Variants in IREB2 observed in about 807,000 individuals in gnomAD.
IREB2 encodes iron responsive element binding protein 2, also known as iron-responsive element-binding protein 2.
In IREB2, 39 loss-of-function variants were observed where a neutral mutation model predicts 118.8. The ratio of observed to expected loss-of-function variants is 0.33; its 90% CI spans 0.25 to 0.43. IREB2 has a LOEUF of 0.43. Among genes scored for constraint, IREB2 ranks in the 20% least tolerant of loss-of-function variants. The probability of loss-of-function intolerance (pLI) is 1.00; values close to 1 mark genes in which losing one functional copy is unlikely to be tolerated. For synonymous variants in IREB2, 372 were observed against 392.2 expected, an observed-to-expected ratio of 0.95 and a Z score of 0.61; for missense variants, 900 against 1,147.3, an observed-to-expected ratio of 0.78 and a Z score of 3.11.
intron 2 of IREB2, among the ~76,000 whole-genome samples, chr15:78,460,661 C>T (rs2051181584): frequency 6.6e-6 from 1 of 152,132 alleles, no homozygotes. Flanking sequence ...TTAGAAACAA[C>T]AAACAGTTGT....
intron 2 of IREB2, among the ~76,000 whole-genome samples, chr15:78,456,638 C>T (rs1256796226): frequency 2.0e-5 from 3 of 150,042 alleles, no homozygotes; most frequent in Middle Eastern, 3.2e-3. Flanking sequence ...TGCACTCTAG[C>T]TTGGGTGACA....
intron 2 of IREB2, among the ~76,000 whole-genome samples, chr15:78,445,102 ATACTT>A (rs1405521827): frequency 6.6e-6 from 1 of 150,742 alleles, no homozygotes; most frequent in Non-Finnish European, 1.5e-5. Flanking sequence ...TTTTATTTTT[ATACTT>A]TCACTATTTA....
At chr15:78,459,853 C>G (rs1036655950) in intron 2 of IREB2, among the ~76,000 whole-genome samples, 1 of 152,014 alleles carries the variant, frequency 6.6e-6, no homozygotes, top group Non-Finnish European at 1.5e-5. Context: ...AACCTAGGTT[C>G]TTTATCCTGT....
intron 18 of IREB2, among the ~76,000 whole-genome samples, chr15:78,491,739 G>A (rs1348646757): frequency 1.3e-5 from 2 of 151,998 alleles, no homozygotes; most frequent in East Asian, 1.9e-4. Context: ...CAAGTGATCC[G>A]CCCACCTCGG....
Position 78,494,193 on chromosome 15 carries a change from A to G in IREB2, c.2524A>G (p.Ile842Val). The change falls in exon 20 of 22, where the codon ATT becomes GTT. Residue 842 changes from isoleucine (I) to valine (V), a missense_variant. Physicochemically the swap from Ile to Val is conservative, Grantham distance 29. Coordinates refer to ENST00000258886, the MANE Select transcript of IREB2 (RefSeq NM_004136.4). ...ELYQKEGIPL[I>V]ILAGKKYGSG... ...GTACCAGAAAGAAGGTATCCCACTG[A>G]TTATTTTAGCAGGAAAGAAATATGG... is the stretch of plus-strand genomic sequence containing the variant. 1 of 1,614,064 alleles carries G rather than the reference A, an allele frequency of 6.2e-7. No homozygotes were observed.
At position 78,488,660 on chromosome 15, in the gene IREB2, C is replaced by T. The variant is rs183041930; in HGVS notation, c.1965C>T (p.Thr655=). 2.0e-5 allele frequency: 32 copies of T among 1,607,612 alleles called. No individual in the cohort carries two copies. The highest frequency in any genetic ancestry group is 6.7e-5 in the African/African-American group (5 of 74,546). ...FQTEPLGTDP[T]GKNIYLHDIW... is the part of the protein sequence containing the mutation. ...AATTTTAACCAGGTACTGACCCCACCGGCAAGAACATTTACCTGCATGATA... is the reference window on the plus strand; with the variant it reads ...AATTTTAACCAGGTACTGACCCCACTGGCAAGAACATTTACCTGCATGATA... The change falls in exon 16 of 22, where the codon ACC becomes ACT. Residue 655 remains threonine (T), a synonymous_variant. Transcript: ENST00000258886.
At chr15:78,466,146 A>G (rs1035929226) in intron 4 of IREB2, 125 bp from the exon 5 acceptor site, 3 of 565,174 alleles carry the variant, frequency 5.3e-6, no homozygotes, top group African/African-American at 3.8e-5. Flanking sequence ...GAGTTAAATG[A>G]TACATTAGCC....
chr15:78,471,349 TTTG>T (rs1312801266), intron 6 of IREB2, among the ~76,000 whole-genome samples: 1 of 152,204 alleles, frequency 6.6e-6, no homozygotes, highest in Non-Finnish European at 1.5e-5. Context: ...GTAGAACGCT[TTTG>T]TTCCTCAAAT....
At chr15:78,448,470 G>GA (rs200307305) in intron 2 of IREB2, among the ~76,000 whole-genome samples, 4 of 151,470 alleles carry the variant, frequency 2.6e-5, no homozygotes, top group East Asian at 3.9e-4. Context: ...TTAAAAGAGA[G>GA]AAAAAAAAGG....
chr15:78,456,969 C>T (rs1351358874), intron 2 of IREB2, among the ~76,000 whole-genome samples: 2 of 152,088 alleles, frequency 1.3e-5, no homozygotes, highest in Non-Finnish European at 2.9e-5. Context: ...TTTGGCACTT[C>T]TTCTGTATAT....
At chr15:78,489,703 AAAAAT>A (rs1244341840) in intron 16 of IREB2, among the ~76,000 whole-genome samples, 1 of 151,936 alleles carries the variant, frequency 6.6e-6, no homozygotes, top group African/African-American at 2.4e-5. Context: ...TTGTAAAATA[AAAAAT>A]AAAAAATGCT....
chr15:78,441,754 A>G (rs1164607137), intron 2 of IREB2, among the ~76,000 whole-genome samples: 3 of 152,244 alleles, frequency 2.0e-5, no homozygotes, highest in Admixed American at 1.3e-4. Context: ...TGTACAGAGT[A>G]CATGTGTACT....
At chr15:78,472,325 C>T (rs920777648) in intron 7 of IREB2, among the ~76,000 whole-genome samples, 1 of 151,940 alleles carries the variant, frequency 6.6e-6, no homozygotes, top group East Asian at 1.9e-4. Flanking sequence ...AGAGACTAGT[C>T]ATTTCTTTAC....
chr15:78,465,004 C>T lies in IREB2; in HGVS notation c.273-247C>T, dbSNP rs139554516. On this transcript the variant is annotated intron_variant, in intron 3 of 21. Transcript: ENST00000258886. ...TTTCACAGGCATTTTCCCTGAAGTTCGCTTATGCCTCAAAAATTATCTCTT... is the reference window on the plus strand; with the variant it reads ...TTTCACAGGCATTTTCCCTGAAGTTTGCTTATGCCTCAAAAATTATCTCTT... 6.6e-5 allele frequency among the ~76,000 whole-genome samples: 10 copies of T among 152,224 alleles called. No individual in the cohort carries two copies. The East Asian group carries it at 1.5e-3, about 23-fold the overall frequency.
Position 78,462,992 on chromosome 15 carries a change from G to A in IREB2, c.177G>A (p.Lys59=), listed in dbSNP as rs772952970. 10 of 1,613,596 alleles carry A rather than the reference G, an allele frequency of 6.2e-6. No homozygotes were observed. The Admixed American group carries it at 1.7e-4, about 27-fold the overall frequency. ...AVRNCDGFLM[K]KEDVMNILDW... is the part of the protein sequence containing the mutation. Reference sequence around the variant, plus strand: ...GAAATTGTGATGGCTTTTTAATGAAGAAGGAAGATGTTATGAACATTTTAG... The same window carrying A: ...GAAATTGTGATGGCTTTTTAATGAAAAAGGAAGATGTTATGAACATTTTAG... The change falls in exon 3 of 22, where the codon AAG becomes AAA. Residue 59 remains lysine (K), a synonymous_variant. Coordinates refer to ENST00000258886, the MANE Select transcript of IREB2 (RefSeq NM_004136.4).
chr15:78,489,727 T>A (rs2051718223), intron 16 of IREB2, among the ~76,000 whole-genome samples: 1 of 152,056 alleles, frequency 6.6e-6, no homozygotes, highest in Admixed American at 6.6e-5. Context: ...CTCAGGCTGG[T>A]CTCAAACTCC....
At position 78,485,732 on chromosome 15, in the gene IREB2, C is replaced by T; in HGVS notation, c.1601C>T (p.Ala534Val). The T allele has an allele frequency of 6.2e-7, 1 of 1,613,666 alleles. No homozygotes were observed. The change falls in exon 13 of 22, where the codon GCT becomes GTT. Residue 534 changes from alanine to valine, a missense_variant. By Grantham distance (64) the Ala-to-Val change is moderately conservative (BLOSUM62 0). Coordinates refer to ENST00000258886, the MANE Select transcript of IREB2 (RefSeq NM_004136.4). ...CTTTTGGCTAAAAAGGCTGTTGAAGCTGGTCTGCGTGTTAAACCTTATATA... is the reference window on the plus strand; with the variant it reads ...CTTTTGGCTAAAAAGGCTGTTGAAGTTGGTCTGCGTGTTAAACCTTATATA... ...AGLLAKKAVE[A>V]GLRVKPYIRT...
At position 78,501,126 on chromosome 15, in the gene IREB2, GAGA is replaced by G. The variant is rs1299683587; in HGVS notation, c.*2990_*2992del. ...TCTTAGTTTGGTTGGAGTAATAAGA[GAGA>G]AGAAGAGGGTGGACTTTGGCTTTTC... On this transcript the variant is annotated 3_prime_UTR_variant, in exon 22 of 22. Coordinates refer to ENST00000258886, the MANE Select transcript of IREB2 (RefSeq NM_004136.4). 6.6e-6 allele frequency: 1 copy of G among 152,184 alleles called. No individual in the cohort carries two copies. Among genetic ancestry groups the G allele is most frequent in the Non-Finnish European group, 1.5e-5 (1 of 68,024 alleles). 9.4% of individuals were successfully genotyped at this position (152,184 alleles called of 1,614,324 possible). A position where few individuals can be genotyped will look rare whatever the true frequency, so the allele number is the denominator to read the frequency against.
At chr15:78,485,670 T>C (rs2051647097) in intron 12 of IREB2, 35 bp from the exon 13 acceptor site, 1 of 1,600,482 alleles carries the variant, frequency 6.2e-7, no homozygotes, top group Admixed American at 1.7e-5. Context: ...GAAAGAAACA[T>C]TGCCATAATA....
Sources: gnomAD v4.1 joint callset for allele counts (sites outside exome capture counted in the v4.1 genomes callset) on GRCh38, gnomAD v4.1.1 for gene constraint, MANE v1.5 for transcripts, NCBI Gene and HGNC (gene_info 2026-07-23, HGNC 2026-07-21) for gene names.